ARHGAP26: variants seen among roughly 807,000 people sequenced by gnomAD.
ARHGAP26 encodes the protein Rho GTPase activating protein 26, also known as rho GTPase-activating protein 26.
A neutral mutation model predicts 104.8 loss-of-function variants in ARHGAP26; 38 were observed. That is an observed-to-expected ratio of 0.36 (90% CI 0.28 to 0.48). The LOEUF (loss-of-function observed/expected upper bound fraction) is 0.48, where lower values mean the gene tolerates loss of function less well. ARHGAP26 is among the 20% of genes least tolerant of loss of function. ARHGAP26 has a pLI of 0.99. For synonymous variants in ARHGAP26, 341 were observed against 340.0 expected (o/e 1.00, Z -0.03); for missense variants, 704 against 947.9 (o/e 0.74, Z 3.38).
chr5:143,214,206 A>C (rs1599552053), intron 22 of ARHGAP26, 118 bp downstream of exon 22: 5 of 675,782 alleles, frequency 7.4e-6, no homozygotes, highest in Non-Finnish European at 1.3e-5. Flanking sequence ...ATGGGTAAGA[A>C]AAAAAGTGTG....
chr5:142,890,944 G>A (rs452711), intron 5 of ARHGAP26, among the ~76,000 whole-genome samples: 68,409 of 151,792 alleles, frequency 0.45, 18,459 homozygotes, highest in East Asian at 0.91. Context: ...TCCTTATAGG[G>A]ATTTCCTTCT....
At chr5:142,958,848 C>A (rs1769689303) in intron 11 of ARHGAP26, among the ~76,000 whole-genome samples, 1 of 146,318 alleles carries the variant, frequency 6.8e-6, no homozygotes, top group Non-Finnish European at 1.5e-5. Flanking sequence ...GCCAGAGGAT[C>A]ACTTGAAGCC....
intron 1 of ARHGAP26, among the ~76,000 whole-genome samples, chr5:142,864,935 C>T (rs1390022915): frequency 2.0e-5 from 3 of 152,192 alleles, no homozygotes; most frequent in South Asian, 2.1e-4. Flanking sequence ...CCCCTTGCCC[C>T]GTGTGTGTGT....
At chr5:142,997,925 A>G (rs1776639567) in intron 11 of ARHGAP26, among the ~76,000 whole-genome samples, 1 of 152,204 alleles carries the variant, frequency 6.6e-6, no homozygotes, top group Non-Finnish European at 1.5e-5. Flanking sequence ...GCAGATGGAT[A>G]TGAGCTCAGT....
intron 20 of ARHGAP26, among the ~76,000 whole-genome samples, chr5:143,191,579 A>G (rs557484835): frequency 3.9e-4 from 60 of 152,376 alleles, no homozygotes; most frequent in Admixed American, 9.8e-4. Context: ...GGGCTAAAGT[A>G]GACATTTGTT....
intron 14 of ARHGAP26, among the ~76,000 whole-genome samples, chr5:143,053,758 C>T (rs1435809420): frequency 1.3e-5 from 2 of 152,204 alleles, no homozygotes; most frequent in Non-Finnish European, 2.9e-5. Context: ...TAAAATCATA[C>T]CACAGTCCAC....
chr5:142,820,840 A>G (rs1448716678), intron 1 of ARHGAP26, among the ~76,000 whole-genome samples: 1 of 152,244 alleles, frequency 6.6e-6, no homozygotes, highest in Non-Finnish European at 1.5e-5. Context: ...AACATTATGA[A>G]GTGGAGTCTA....
intron 20 of ARHGAP26, chr5:143,168,949 C>T (rs546273946): frequency 6.6e-6 from 1 of 152,330 alleles, no homozygotes; most frequent in African/African-American, 2.4e-5. Flanking sequence ...GGATGGGTAG[C>T]ATCCCTTCTC....
chr5:143,016,530 C>T (rs1779611940), intron 12 of ARHGAP26, among the ~76,000 whole-genome samples: 1 of 152,078 alleles, frequency 6.6e-6, no homozygotes, highest in Non-Finnish European at 1.5e-5. Flanking sequence ...TGGTGAAACC[C>T]TGTCTCTGCT....
chr5:142,811,818 C>T (rs751396088), intron 1 of ARHGAP26, among the ~76,000 whole-genome samples: 13 of 152,174 alleles, frequency 8.5e-5, no homozygotes, highest in Non-Finnish European at 1.5e-4. Flanking sequence ...AGGCTTAGAA[C>T]CCATTTTCAT....
chr5:142,906,561 A>G (rs1761137056), intron 8 of ARHGAP26, among the ~76,000 whole-genome samples: 1 of 151,894 alleles, frequency 6.6e-6, no homozygotes, highest in Admixed American at 6.6e-5. Flanking sequence ...TTCCATTGTC[A>G]GTTTGGATTT....
intron 20 of ARHGAP26, 124 bp from the exon 21 acceptor site, chr5:143,207,074 T>C (rs1808679336): frequency 1.7e-6 from 2 of 1,148,960 alleles, no homozygotes; most frequent in African/African-American, 3.1e-5. Flanking sequence ...TGACAGCACA[T>C]CCCTGGGTTT....
At chr5:142,922,616 C>T (rs1763353325) in intron 10 of ARHGAP26, among the ~76,000 whole-genome samples, 1 of 152,142 alleles carries the variant, frequency 6.6e-6, no homozygotes, top group African/African-American at 2.4e-5. Context: ...TCTGTTTAAA[C>T]ATTACCCTTT....
chr5:143,129,266 C>G (rs1343095753), intron 18 of ARHGAP26, among the ~76,000 whole-genome samples: 1 of 152,194 alleles, frequency 6.6e-6, no homozygotes, highest in Non-Finnish European at 1.5e-5. Flanking sequence ...ATTGTTGAAT[C>G]TCCAGTTATT....
At chr5:143,069,524 C>T (rs1430545993) in intron 17 of ARHGAP26, among the ~76,000 whole-genome samples, 2 of 152,166 alleles carry the variant, frequency 1.3e-5, no homozygotes, top group Non-Finnish European at 2.9e-5. Context: ...GGGTAAGGTC[C>T]CCACATCTGT....
intron 14 of ARHGAP26, among the ~76,000 whole-genome samples, chr5:143,051,758 A>G (rs566106118): frequency 6.6e-6 from 1 of 152,342 alleles, no homozygotes; most frequent in South Asian, 2.1e-4. Context: ...TCCTATGGTT[A>G]CAGAGCCCGA....
chr5:142,843,448 G>A (rs1156868802), intron 1 of ARHGAP26, among the ~76,000 whole-genome samples: 1 of 152,242 alleles, frequency 6.6e-6, no homozygotes, highest in Non-Finnish European at 1.5e-5. Flanking sequence ...AGATTGTCAT[G>A]ATTACAATGA....
chr5:143,059,364 CA>C (rs1562347799), intron 17 of ARHGAP26, among the ~76,000 whole-genome samples: 1 of 152,114 alleles, frequency 6.6e-6, no homozygotes, highest in Admixed American at 6.6e-5. Context: ...TGAGAGAGAC[CA>C]AAAGTGAAGG....
intron 18 of ARHGAP26, among the ~76,000 whole-genome samples, chr5:143,122,693 T>C (rs1796285908): frequency 6.6e-6 from 1 of 152,230 alleles, no homozygotes; most frequent in African/African-American, 2.4e-5. Context: ...GAAGTTACTT[T>C]CCTTGTAAAA....
Sources: allele counts gnomAD v4.1 joint callset (sites outside exome capture counted in the v4.1 genomes callset), GRCh38; gene constraint gnomAD v4.1.1; transcripts MANE v1.5; gene names NCBI Gene and HGNC (gene_info 2026-07-23, HGNC 2026-07-21).